ST18: variants seen among roughly 807,000 people sequenced by gnomAD.
ST18 encodes ST18 C2H2C-type zinc finger transcription factor.
A neutral mutation model predicts 110.0 loss-of-function variants in ST18; 50 were observed. That is an observed-to-expected ratio of 0.45 (90% CI 0.36 to 0.58). ST18 has a LOEUF of 0.58. ST18 is among the 20% of genes least tolerant of loss of function. ST18 has a pLI of 0.00. For synonymous variants in ST18, 461 were observed against 452.4 expected, an observed-to-expected ratio of 1.02 and a Z score of -0.24; for missense variants, 1,306 against 1,280.1, an observed-to-expected ratio of 1.02 and a Z score of -0.31.
intron 2 of ST18, among the ~76,000 whole-genome samples, chr8:52,314,041 G>A (rs1030850497): frequency 3.9e-5 from 6 of 152,202 alleles, no homozygotes; most frequent in African/African-American, 1.2e-4. Flanking sequence ...GCCAAGGCCA[G>A]ACTCTTCCCT....
In ST18 at chr8:52,161,279, T is replaced by A. The variant is rs117122951; in HGVS notation, c.1594+96A>T. 1,275 of 1,241,060 alleles carry A rather than the reference T, an allele frequency of 1.0e-3. 22 individuals are homozygous for A. The East Asian group carries it at 0.025, about 24-fold the overall frequency. The allele number at this position is 1,241,060 out of a possible 1,614,324, so 76.9% of individuals were successfully genotyped here. A position where few individuals can be genotyped will look rare whatever the true frequency, so the allele number is the denominator to read the frequency against. ...TCTCCTGCCAGCTGTATGTAGTATA[T>A]CATATATTTAAGTACAGCCCCCTGG... On this transcript the variant is annotated intron_variant, in intron 14 of 25. Coordinates refer to ENST00000689386, the MANE Select transcript of ST18 (RefSeq NM_001352837.2).
chr8:52,367,698 A>T (rs1176531521), intron 2 of ST18, among the ~76,000 whole-genome samples: 4 of 152,194 alleles, frequency 2.6e-5, no homozygotes, highest in Non-Finnish European at 5.9e-5. Context: ...CATCTCTTGG[A>T]CCTTATTGCG....
chr8:52,310,273 A>C (rs1210065659), intron 2 of ST18, among the ~76,000 whole-genome samples: 1 of 152,078 alleles, frequency 6.6e-6, no homozygotes, highest in Non-Finnish European at 1.5e-5. Flanking sequence ...CATCCAAAGG[A>C]CTCTGTGTAG....
chr8:52,372,304 G>A (rs10096331), intron 2 of ST18, among the ~76,000 whole-genome samples: 150,132 of 152,326 alleles, frequency 0.99, 74,022 homozygotes, highest in Middle Eastern at 1. Flanking sequence ...ATTCAGCTGT[G>A]CAATGTGTGT....
intron 2 of ST18, among the ~76,000 whole-genome samples, chr8:52,382,267 T>C (rs1834847820): frequency 6.6e-6 from 1 of 152,144 alleles, no homozygotes; most frequent in South Asian, 2.1e-4. Flanking sequence ...TTCTCATAAA[T>C]AAATAGGGCT....
chr8:52,130,588 G>A (rs2049179419), intron 22 of ST18, among the ~76,000 whole-genome samples: 1 of 152,256 alleles, frequency 6.6e-6, no homozygotes, highest in Non-Finnish European at 1.5e-5. Context: ...CCGGGCATAA[G>A]TCTGAGTGTG....
intron 13 of ST18, 31 bp from the exon 14 acceptor site, chr8:52,161,599 A>C (rs377477794): frequency 4.4e-6 from 7 of 1,608,758 alleles, no homozygotes; most frequent in South Asian, 2.2e-5. Flanking sequence ...GTTCAAAAGA[A>C]ATACAATGAA....
intron 8 of ST18, among the ~76,000 whole-genome samples, chr8:52,204,403 A>G (rs72641875): frequency 0.034 from 5,116 of 152,222 alleles, 166 homozygotes; most frequent in East Asian, 0.11. Flanking sequence ...TTTCTTATAA[A>G]TCTTGTTAAA....
chr8:52,154,639 G>A (rs191298996), intron 15 of ST18: 1 of 152,270 alleles, frequency 6.6e-6, no homozygotes, highest in Admixed American at 6.5e-5. Flanking sequence ...GGAGCTCTTT[G>A]GAGCTGTGGC....
At chr8:52,141,799 G>A (rs1369683295) in intron 17 of ST18, among the ~76,000 whole-genome samples, 35 of 152,192 alleles carry the variant, frequency 2.3e-4, no homozygotes, top group Admixed American at 2.2e-3. Context: ...GAGGCTGGGG[G>A]ATGGGAGCAC....
intron 15 of ST18, among the ~76,000 whole-genome samples, chr8:52,151,748 C>G (rs762636946): frequency 1.2e-4 from 18 of 152,066 alleles, no homozygotes; most frequent in African/African-American, 3.9e-4. Context: ...AAGTAAAATG[C>G]TAAATATTGT....
chr8:52,235,693 A>G (rs1314409651), intron 2 of ST18, among the ~76,000 whole-genome samples: 2 of 152,208 alleles, frequency 1.3e-5, no homozygotes, highest in Admixed American at 6.5e-5. Flanking sequence ...TCTGAAAACT[A>G]GTGAAGTAGG....
chr8:52,320,460 A>G (rs1045191619), intron 2 of ST18, among the ~76,000 whole-genome samples: 13 of 152,224 alleles, frequency 8.5e-5, no homozygotes, highest in African/African-American at 3.1e-4. Flanking sequence ...CATGTAAAAC[A>G]TGTAATTCAC....
intron 22 of ST18, among the ~76,000 whole-genome samples, chr8:52,130,768 A>G (rs1446691698): frequency 6.6e-6 from 1 of 152,268 alleles, no homozygotes; most frequent in Non-Finnish European, 1.5e-5. Context: ...CAAGTTTTAA[A>G]GATAACTTCA....
chr8:52,387,696 A>T (rs971302712), intron 2 of ST18, among the ~76,000 whole-genome samples: 1 of 152,174 alleles, frequency 6.6e-6, no homozygotes, highest in African/African-American at 2.4e-5. Context: ...GTGTACGTTC[A>T]TAACAGTTAC....
chr8:52,183,567 G>A (rs1348027459), intron 8 of ST18, among the ~76,000 whole-genome samples: 2 of 152,192 alleles, frequency 1.3e-5, no homozygotes, highest in African/African-American at 4.8e-5. Flanking sequence ...GCAACAGATA[G>A]TTAAATTTTT....
chr8:52,158,863 G>A (rs745488545), intron 15 of ST18, 35 bp downstream of exon 15: 39 of 1,610,406 alleles, frequency 2.4e-5, no homozygotes, highest in East Asian at 8.9e-5. Flanking sequence ...CAGTTCAGTC[G>A]CTGGCCCACC....
At chr8:52,405,542 T>C (rs1352730001) in intron 2 of ST18, 1 of 152,236 alleles carries the variant, frequency 6.6e-6, no homozygotes, top group Non-Finnish European at 1.5e-5. Context: ...AATTGATTAC[T>C]ATTGTTTCAC....
chr8:52,222,407 C>T (rs143634485), intron 3 of ST18, among the ~76,000 whole-genome samples: 5 of 152,298 alleles, frequency 3.3e-5, no homozygotes, highest in African/African-American at 1.2e-4. Flanking sequence ...ACAGCCCGGC[C>T]GTTTGCTGTC....
Sources: allele counts gnomAD v4.1 joint callset (sites outside exome capture counted in the v4.1 genomes callset), GRCh38; gene constraint gnomAD v4.1.1; transcripts MANE v1.5; gene names NCBI Gene and HGNC (gene_info 2026-07-23, HGNC 2026-07-21).